Variants in PITPNC1 observed in about 807,000 individuals in gnomAD.
PITPNC1 encodes cytoplasmic phosphatidylinositol transfer protein 1.
Under a neutral mutation model 44.7 loss-of-function variants are expected in PITPNC1, and 18 were observed. The ratio of observed to expected loss-of-function variants is 0.40; its 90% CI spans 0.28 to 0.60. The LOEUF (loss-of-function observed/expected upper bound fraction) is 0.60, where lower values mean the gene tolerates loss of function less well. Among genes scored for constraint, PITPNC1 ranks in the 20% least tolerant of loss-of-function variants. PITPNC1 has a pLI of 0.39. For missense variants in PITPNC1, 290 were observed against 418.4 expected (o/e 0.69, Z 2.68); for synonymous variants, 141 against 149.6 (o/e 0.94, Z 0.42).
chr17:67,473,236 T>C (rs993144155), intron 1 of PITPNC1, among the ~76,000 whole-genome samples: 1 of 152,096 alleles, frequency 6.6e-6, no homozygotes, highest in Non-Finnish European at 1.5e-5. Flanking sequence ...AGTCTCACTA[T>C]GTTGCCCATG....
chr17:67,486,256 G>T (rs1432857243), intron 1 of PITPNC1, among the ~76,000 whole-genome samples: 6 of 151,898 alleles, frequency 4.0e-5, no homozygotes, highest in Non-Finnish European at 8.8e-5. Context: ...CTTAGTCTTG[G>T]GCTATATATA....
chr17:67,632,268 GATTC>G (rs763435264), intron 6 of PITPNC1, 30 bp downstream of exon 6: 135 of 1,329,348 alleles, frequency 1.0e-4, no homozygotes, highest in East Asian at 1.4e-4. Context: ...AGATGTGGAA[GATTC>G]ATTCATTCAT....
intron 1 of PITPNC1, among the ~76,000 whole-genome samples, chr17:67,454,120 G>A (rs536443533): frequency 6.6e-6 from 1 of 152,082 alleles, no homozygotes; most frequent in African/African-American, 2.4e-5. Flanking sequence ...GCCTGGTGGC[G>A]GGCACCTGTA....
chr17:67,433,399 C>G (rs1350172283), intron 1 of PITPNC1, among the ~76,000 whole-genome samples: 1 of 152,186 alleles, frequency 6.6e-6, no homozygotes, highest in East Asian at 1.9e-4. Context: ...GGCTGTGCTT[C>G]TGGGCAGATG....
intron 7 of PITPNC1, among the ~76,000 whole-genome samples, chr17:67,673,892 A>C (rs1163743383): frequency 6.7e-6 from 1 of 150,266 alleles, no homozygotes; most frequent in Non-Finnish European, 1.5e-5. Context: ...CGGAGGTTAC[A>C]GTGAGCCGAG....
chr17:67,652,446 C>G (rs906371504), intron 6 of PITPNC1, among the ~76,000 whole-genome samples: 1 of 152,154 alleles, frequency 6.6e-6, no homozygotes. Context: ...AAAGATGTGC[C>G]GAAGTCCATC....
In PITPNC1 at chr17:67,578,682, A is replaced by G. The variant is rs1435998996; in HGVS notation, c.366+425A>G. Among the ~76,000 whole-genome samples, 3 of 152,238 alleles carry G rather than the reference A, an allele frequency of 2.0e-5. No homozygotes were observed. In the East Asian group the frequency reaches 5.8e-4, roughly 29 times the overall value. On this transcript the variant is annotated intron_variant, in intron 5 of 8. Coordinates refer to ENST00000581322, the MANE Select transcript of PITPNC1 (RefSeq NM_012417.4). Reference sequence around the variant, plus strand: ...GGAAATACAGTCAGATGTATGTGTGAACAGAAAAGGAAATACAGGCCTGGT... The same window carrying G: ...GGAAATACAGTCAGATGTATGTGTGGACAGAAAAGGAAATACAGGCCTGGT...
intron 5 of PITPNC1, among the ~76,000 whole-genome samples, chr17:67,619,578 C>T (rs1406028193): frequency 6.6e-6 from 1 of 152,168 alleles, no homozygotes; most frequent in Non-Finnish European, 1.5e-5. Context: ...CCAGCGTCCT[C>T]GCTTACTGCC....
At chr17:67,670,081 A>G (rs569772220) in intron 7 of PITPNC1, among the ~76,000 whole-genome samples, 18 of 152,266 alleles carry the variant, frequency 1.2e-4, no homozygotes, top group East Asian at 5.8e-4. Context: ...CTCAAAAAAT[A>G]AGAAATAAAA....
chr17:67,632,693 G>A (rs2041986809), intron 6 of PITPNC1, among the ~76,000 whole-genome samples: 1 of 150,158 alleles, frequency 6.7e-6, no homozygotes, highest in African/African-American at 2.5e-5. Flanking sequence ...TCAGCCTCCT[G>A]AGTATGTGGG....
intron 1 of PITPNC1, among the ~76,000 whole-genome samples, chr17:67,494,902 G>T (rs117721190): frequency 0.05 from 7,534 of 151,830 alleles, 249 homozygotes; most frequent in Middle Eastern, 0.11. Context: ...GAGCCCAGGG[G>T]GTCAAGGCTG....
chr17:67,574,371 A>G (rs1398145674), intron 4 of PITPNC1, among the ~76,000 whole-genome samples: 1 of 152,212 alleles, frequency 6.6e-6, no homozygotes, highest in East Asian at 1.9e-4. Context: ...AAATAAGCAG[A>G]TTTGTAATGG....
At chr17:67,612,724 TGGA>T (rs1252439376) in intron 5 of PITPNC1, 1 of 151,620 alleles carries the variant, frequency 6.6e-6, no homozygotes, top group African/African-American at 2.4e-5. Context: ...GATGGATGGA[TGGA>T]TCAATGGGTG....
chr17:67,389,561 T>C (rs1286922800), intron 1 of PITPNC1, among the ~76,000 whole-genome samples: 2 of 152,234 alleles, frequency 1.3e-5, no homozygotes, highest in Non-Finnish European at 2.9e-5. Context: ...GGAGAGGTTT[T>C]ATTGCCATTT....
chr17:67,479,679 GA>G (rs1248762396), intron 1 of PITPNC1, among the ~76,000 whole-genome samples: 1 of 151,632 alleles, frequency 6.6e-6, no homozygotes, highest in Non-Finnish European at 1.5e-5. Context: ...CTGAAGGGAA[GA>G]AAAAAATAAA....
intron 6 of PITPNC1, among the ~76,000 whole-genome samples, chr17:67,650,252 A>G (rs183586305): frequency 6.1e-4 from 93 of 152,254 alleles, no homozygotes; most frequent in Middle Eastern, 3.4e-3. Flanking sequence ...GGATGAAATG[A>G]GAAAGCGAAT....
At chr17:67,434,614 C>G (rs1041210253) in intron 1 of PITPNC1, among the ~76,000 whole-genome samples, 19 of 152,122 alleles carry the variant, frequency 1.2e-4, no homozygotes, top group Non-Finnish European at 2.4e-4. Flanking sequence ...AGTTCAAGAC[C>G]AGCCTGGCCA....
intron 6 of PITPNC1, among the ~76,000 whole-genome samples, chr17:67,641,263 A>C (rs1172539033): frequency 6.6e-6 from 1 of 152,192 alleles, no homozygotes; most frequent in African/African-American, 2.4e-5. Flanking sequence ...TCCTTGTAAA[A>C]AAAATTCCGA....
At chr17:67,395,066 G>A (rs894923522) in intron 1 of PITPNC1, among the ~76,000 whole-genome samples, 7 of 152,006 alleles carry the variant, frequency 4.6e-5, no homozygotes, top group East Asian at 1.9e-4. Flanking sequence ...AGAAAACAAC[G>A]CTCTTATTAA....
Sources: allele counts gnomAD v4.1 joint callset (sites outside exome capture counted in the v4.1 genomes callset), GRCh38; gene constraint gnomAD v4.1.1; transcripts MANE v1.5; gene names NCBI Gene and HGNC (gene_info 2026-07-23, HGNC 2026-07-21).